The following ZFHX4 variants were observed in gnomAD, a reference collection of about 807,000 sequenced individuals.
The protein encoded by ZFHX4 is zinc finger homeobox protein 4.
In ZFHX4, 56 loss-of-function variants were observed where a neutral mutation model predicts 267.6. The observed-to-expected ratio is 0.21, with a 90% CI of 0.17 to 0.26. The LOEUF is 0.26. Ranked by LOEUF, ZFHX4 falls within the 10% of genes least tolerant of loss-of-function variation. The probability of loss-of-function intolerance (pLI) is 1.00; values close to 1 mark genes in which losing one functional copy is unlikely to be tolerated. For synonymous variants in ZFHX4, 1,778 were observed against 1,665.6 expected (o/e 1.07, Z -1.64); for missense variants, 4,332 against 4,420.0 (o/e 0.98, Z 0.56).
rs1385174970 is a variant in ZFHX4 at position 76,850,969 on chromosome 8, C to T, written c.4048C>T (p.Pro1350Ser). 2 of 1,613,678 alleles carry T rather than the reference C, an allele frequency of 1.2e-6. No homozygotes were observed. The highest frequency in any genetic ancestry group is 2.2e-5 in the South Asian group (2 of 91,044). ...NVEVKNEEQKPTKEPLEVSEW... is the reference protein window; with the variant it reads ...NVEVKNEEQKSTKEPLEVSEW... ...GGAAGTAAAGAATGAGGAGCAGAAA[C>T]CGACTAAAGAACCCTTGGAAGTCTC... The change falls in exon 10 of 11, where the codon CCG (proline) becomes TCG (serine). Residue 1350 changes from proline (P) to serine (S), a missense_variant. This residue lies in a region of ZFHX4 where 1,371 missense variants were observed against 1,423.1 expected (regional missense o/e 0.96). Transcript: ENST00000651372.
At chr8:76,760,928 C>CAAAAAAAAAAAAAA (rs771069673) in intron 3 of ZFHX4, among the ~76,000 whole-genome samples, 1 of 64,134 alleles carries the variant, frequency 1.6e-5, no homozygotes, top group Non-Finnish European at 3.2e-5. Context: ...GACCCTGCCT[C>CAAAAAAAAAAAAAA]AAAAAAAAAA....
intron 1 of ZFHX4, among the ~76,000 whole-genome samples, chr8:76,693,109 T>G (rs962041497): frequency 6.6e-6 from 1 of 152,242 alleles, no homozygotes; most frequent in African/African-American, 2.4e-5. Flanking sequence ...CACCCACTTC[T>G]GTTTAAACAC....
intron 3 of ZFHX4, among the ~76,000 whole-genome samples, chr8:76,766,170 GA>G (rs1167497157): frequency 1.3e-5 from 2 of 151,548 alleles, no homozygotes; most frequent in Admixed American, 1.3e-4. Flanking sequence ...ACAAGTGCTT[GA>G]AAAAAAAGAT....
chr8:76,820,706 T>A, intron 4 of ZFHX4, among the ~76,000 whole-genome samples: 1 of 152,118 alleles, frequency 6.6e-6, no homozygotes, highest in East Asian at 1.9e-4. Flanking sequence ...AACTTAAGAG[T>A]TTAATAGGAA....
At chr8:76,834,074 T>G (rs1046565623) in intron 5 of ZFHX4, 6 of 412,420 alleles carry the variant, frequency 1.5e-5, no homozygotes, top group East Asian at 1.4e-4. Context: ...TTTATTTCCT[T>G]TTAGTGCTGA....
At chr8:76,792,274 TA>T (rs1388039494) in intron 4 of ZFHX4, among the ~76,000 whole-genome samples, 1 of 152,090 alleles carries the variant, frequency 6.6e-6, no homozygotes. Flanking sequence ...GGAAGGAGGT[TA>T]AAAAAAGCAA....
intron 3 of ZFHX4, among the ~76,000 whole-genome samples, chr8:76,736,447 G>A (rs956541443): frequency 6.6e-6 from 1 of 151,994 alleles, no homozygotes; most frequent in East Asian, 1.9e-4. Flanking sequence ...GTCTTCTAAA[G>A]AAAACATTTA....
intron 4 of ZFHX4, chr8:76,782,113 T>C: frequency 8.3e-6 from 3 of 361,232 alleles, no homozygotes; most frequent in Non-Finnish European, 1.6e-5. Flanking sequence ...TTTTTTTTTT[T>C]TTTTTTTTTT....
intron 4 of ZFHX4, among the ~76,000 whole-genome samples, chr8:76,820,937 C>T (rs1811632884): frequency 6.6e-6 from 1 of 152,130 alleles, no homozygotes; most frequent in Non-Finnish European, 1.5e-5. Context: ...CTTTCTGAAC[C>T]TCTTTTTTAG....
intron 3 of ZFHX4, among the ~76,000 whole-genome samples, chr8:76,719,943 G>A (rs529533736): frequency 6.6e-6 from 1 of 152,226 alleles, no homozygotes; most frequent in African/African-American, 2.4e-5. Flanking sequence ...AGAGTACAGT[G>A]AATCTTGAGA....
At position 76,864,429 on chromosome 8, in the gene ZFHX4, G is replaced by A; in HGVS notation, c.10715G>A (p.Ser3572Asn). The change falls in exon 11 of 11, where the codon AGT (serine) becomes AAT (asparagine). Residue 3572 changes from serine (S) to asparagine (N), a missense_variant. Ser to Asn is a conservative substitution (Grantham distance 46). Around this residue, in one of 7 missense-constraint regions of ZFHX4, gnomAD observed 1,648 missense variants for 1,625.0 expected, o/e 1.01. Coordinates refer to ENST00000651372, the MANE Select transcript of ZFHX4 (RefSeq NM_024721.5). ...GTTCAAACCTCACTACCCACAGAAA[G>A]TTGTTCAGATGAGTCTGACAGTGAG... ...SGVQTSLPTE[S>N]CSDESDSELS... 1.9e-6 allele frequency: 3 copies of A among 1,613,632 alleles called. No individual in the cohort carries two copies. Among genetic ancestry groups the A allele is most frequent in the African/African-American group, 1.3e-5 (1 of 74,950 alleles).
rs577701769 is a variant in ZFHX4 at position 76,690,564 on chromosome 8, T to G, written c.-47+8944T>G. Among the ~76,000 whole-genome samples, 3 of 152,198 alleles carry G rather than the reference T, an allele frequency of 2.0e-5. No homozygotes were observed. The South Asian group carries it at 6.2e-4, about 32-fold the overall frequency. ...CAAAAATATAGTGCTTAGTAGTTTT[T>G]AAAATACCATAAATTTTGGAATAAT... On this transcript the variant is annotated intron_variant, in intron 1 of 10. Transcript: ENST00000651372.
Position 76,792,432 on chromosome 8 carries a change from G to T in ZFHX4, c.3325+13993G>T, listed in dbSNP as rs540733252. Among the ~76,000 whole-genome samples, 4 of 152,208 alleles carry T rather than the reference G, an allele frequency of 2.6e-5. No individual in the cohort carries two copies. In the East Asian group the frequency reaches 5.8e-4, roughly 22 times the overall value. ...AAGATTTGTGCCTCAAGGAGCAAAA[G>T]AAAATGACTCCAGAATTAAATACCA... On this transcript the variant is annotated intron_variant, in intron 4 of 10. Coordinates refer to ENST00000651372, the MANE Select transcript of ZFHX4 (RefSeq NM_024721.5).
chr8:76,846,456 T>C (rs1443447041), intron 6 of ZFHX4, among the ~76,000 whole-genome samples: 2 of 151,986 alleles, frequency 1.3e-5, no homozygotes, highest in African/African-American at 4.8e-5. Flanking sequence ...CCAGAAAAAT[T>C]TTGAGGGTGA....
chr8:76,700,821 G>C (rs772105539), intron 1 of ZFHX4, among the ~76,000 whole-genome samples: 58 of 152,044 alleles, frequency 3.8e-4, no homozygotes, highest in Non-Finnish European at 8.2e-4. Context: ...TGAGGACTTT[G>C]GTGATTTTAC....
intron 4 of ZFHX4, among the ~76,000 whole-genome samples, chr8:76,808,566 G>A (rs868490043): frequency 3.3e-5 from 5 of 152,094 alleles, no homozygotes; most frequent in African/African-American, 9.7e-5. Context: ...ATCGATAAAT[G>A]TACCTTTATT....
At chr8:76,778,755 C>A (rs1489544700) in intron 4 of ZFHX4, among the ~76,000 whole-genome samples, 1 of 152,198 alleles carries the variant, frequency 6.6e-6, no homozygotes, top group African/African-American at 2.4e-5. Context: ...TTTCCTTTCT[C>A]ATGACCAAAG....
intron 4 of ZFHX4, among the ~76,000 whole-genome samples, chr8:76,815,848 A>C (rs1177223413): frequency 6.6e-6 from 1 of 152,194 alleles, no homozygotes; most frequent in Admixed American, 6.5e-5. Flanking sequence ...CCACCTGTTA[A>C]TACCATTACC....
intron 3 of ZFHX4, chr8:76,733,299 T>C (rs1809071156): frequency 1.3e-5 from 2 of 152,172 alleles, no homozygotes; most frequent in African/African-American, 4.8e-5. Context: ...GTCATCTCAG[T>C]GGATAAACTA....
Sources: gnomAD v4.1 joint callset for allele counts (sites outside exome capture counted in the v4.1 genomes callset) on GRCh38, gnomAD v4.1.1 for gene constraint, gnomAD v4.1.1 regional missense constraint, MANE v1.5 for transcripts, NCBI Gene and HGNC (gene_info 2026-07-23, HGNC 2026-07-21) for gene names.